Variants in MTOR observed in about 807,000 individuals in gnomAD.
MTOR encodes the protein mechanistic target of rapamycin kinase.
MTOR carries 70 observed loss-of-function variants against 319.8 expected under a neutral mutation model. The ratio of observed to expected loss-of-function variants is 0.22; its 90% CI spans 0.18 to 0.27. The LOEUF (loss-of-function observed/expected upper bound fraction) is 0.27. MTOR is among the 10% of genes least tolerant of loss of function. The pLI is 1.00. For missense variants in MTOR, 1,890 were observed against 3,274.4 expected (o/e 0.58, Z 10.32); for synonymous variants, 1,183 against 1,211.4 (o/e 0.98, Z 0.49).
intron 52 of MTOR, 133 bp from the exon 53 acceptor site, chr1:11,114,586 G>A (rs1027583742): frequency 6.0e-6 from 8 of 1,334,532 alleles, no homozygotes; most frequent in Non-Finnish European, 7.2e-6. Context: ...AATGTCTTAG[G>A]AGAAGGAATC....
chr1:11,192,788 A>C (rs1246801573), intron 28 of MTOR, among the ~76,000 whole-genome samples: 1 of 151,674 alleles, frequency 6.6e-6, no homozygotes, highest in African/African-American at 2.4e-5. Flanking sequence ...AAACACAAGC[A>C]AACACACCAA....
intron 19 of MTOR, 43 bp from the exon 20 acceptor site, chr1:11,216,277 A>G (rs1478913254): frequency 6.7e-7 from 1 of 1,488,344 alleles, no homozygotes; most frequent in East Asian, 2.3e-5. Flanking sequence ...CATGAAGGAC[A>G]TTGAACCCCC....
At chr1:11,237,795 G>A (rs887495610) in intron 13 of MTOR, 48 bp downstream of exon 13, 12 of 1,599,950 alleles carry the variant, frequency 7.5e-6, no homozygotes, top group Admixed American at 6.7e-5. Flanking sequence ...TTCTCACAGC[G>A]AGAGTCCTGT....
chr1:11,109,825 G>T lies in MTOR; in HGVS notation c.7367-96C>A. 9.7e-7 allele frequency: 1 copy of T among 1,035,258 alleles called. No individual in the cohort carries two copies. Among genetic ancestry groups the T allele is most frequent in the South Asian group, 1.3e-5 (1 of 77,944 alleles). The allele number at this position is 1,035,258 out of a possible 1,614,324, so 64.1% of individuals were successfully genotyped here. A position where few individuals can be genotyped will look rare whatever the true frequency, so the allele number is the denominator to read the frequency against. On this transcript the variant is annotated intron_variant, in intron 54 of 57. Coordinates refer to ENST00000361445, the MANE Select transcript of MTOR (RefSeq NM_004958.4). The surrounding 1 kb of genome is among the most constrained non-coding windows in gnomAD (Gnocchi z 4.0). The stretch of plus-strand genomic sequence containing the variant: ...TCTCTACGCACTCTATTCCTTTAAC[G>T]CCTGCCCTACCTACCCTAAAGGGGA...
intron 29 of MTOR, among the ~76,000 whole-genome samples, chr1:11,158,032 G>A (rs944914760): frequency 7.9e-5 from 12 of 152,068 alleles, no homozygotes; most frequent in Non-Finnish European, 1.5e-4. Context: ...GCTGAAAGAG[G>A]GTGTTGTCCA....
intron 4 of MTOR, among the ~76,000 whole-genome samples, chr1:11,256,715 AG>A (rs1480933076): frequency 2.0e-5 from 3 of 152,078 alleles, no homozygotes; most frequent in Non-Finnish European, 4.4e-5. Flanking sequence ...CCTCCTCCGA[AG>A]GGCAGCAGAC....
intron 6 of MTOR, among the ~76,000 whole-genome samples, chr1:11,251,516 A>C (rs1649665175): frequency 6.6e-6 from 1 of 152,200 alleles, no homozygotes; most frequent in Admixed American, 6.5e-5. Flanking sequence ...CCTTATAAGA[A>C]TGGAATCTAT....
chr1:11,187,900 A>G (rs868405592), intron 28 of MTOR, among the ~76,000 whole-genome samples: 1 of 151,842 alleles, frequency 6.6e-6, no homozygotes, highest in African/African-American at 2.4e-5. Flanking sequence ...TAACATCCTC[A>G]CCCTTTAGCA....
intron 24 of MTOR, 31 bp from the exon 25 acceptor site, chr1:11,209,489 T>C (rs950448411): frequency 6.2e-7 from 1 of 1,613,204 alleles, no homozygotes; most frequent in African/African-American, 1.3e-5. Context: ...GAAACACCTA[T>C]AACTCTACTA....
intron 29 of MTOR, among the ~76,000 whole-genome samples, chr1:11,161,312 A>G (rs1389115551): frequency 2.0e-5 from 3 of 152,188 alleles, no homozygotes; most frequent in Non-Finnish European, 2.9e-5. Context: ...GGAGCCCACC[A>G]CAGCTCAAGG....
chr1:11,138,757 G>GA (rs1389179805), intron 36 of MTOR, among the ~76,000 whole-genome samples: 5 of 152,070 alleles, frequency 3.3e-5, no homozygotes, highest in Admixed American at 6.6e-5. Flanking sequence ...ATTGTTTAAA[G>GA]AAAAAAACCC....
At chr1:11,201,001 C>T (rs1406069648) in intron 26 of MTOR, among the ~76,000 whole-genome samples, 2 of 147,292 alleles carry the variant, frequency 1.4e-5, no homozygotes, top group South Asian at 2.1e-4. Flanking sequence ...GGCAACAGAG[C>T]GAGACTCTGT....
In MTOR at chr1:11,207,409, C is replaced by CT. The variant is rs386366225; in HGVS notation, c.3801+1902dup. Reference sequence around the variant, plus strand: ...AGCCACTGCACCTGGCCCCCTACCTCTTTTTTTTTTTTTTTTTTGAAGAGA... The same window carrying CT: ...AGCCACTGCACCTGGCCCCCTACCTCTTTTTTTTTTTTTTTTTTTGAAGAGA... On this transcript the variant is annotated intron_variant, in intron 25 of 57. Coordinates refer to ENST00000361445, the MANE Select transcript of MTOR (RefSeq NM_004958.4). 5.8e-3 allele frequency among the ~76,000 whole-genome samples: 657 copies of CT among 114,142 alleles called. 28 individuals carry two copies. Among genetic ancestry groups the CT allele is most frequent in the African/African-American group, 0.017 (537 of 31,136 alleles). The allele number at this position is 114,142 out of a possible 152,430, so 74.9% of individuals were successfully genotyped here. A position where few individuals can be genotyped will look rare whatever the true frequency, so the allele number is the denominator to read the frequency against.
chr1:11,196,893 A>G (rs1645805711), intron 28 of MTOR, among the ~76,000 whole-genome samples: 1 of 152,128 alleles, frequency 6.6e-6, no homozygotes, highest in Non-Finnish European at 1.5e-5. Context: ...TAGCTGAACA[A>G]AGATGTTTTT....
chr1:11,158,562 G>A (rs140082929), intron 29 of MTOR, among the ~76,000 whole-genome samples: 4 of 152,100 alleles, frequency 2.6e-5, no homozygotes, highest in East Asian at 1.9e-4. Flanking sequence ...CTGGCTCCAC[G>A]TAAGGCAAAC....
At position 11,126,752 on chromosome 1, in the gene MTOR, C is replaced by A; in HGVS notation, c.6396G>T (p.Met2132Ile). ...ELQYVSPKLL[M>I]CRDLELAVPG... ...GCACAGCCAATTCAAGGTCCCGGCA[C>A]ATCAGAAGTTTTGGGGAAACATATT... Residue 2132 changes from methionine (M) to isoleucine (I), a missense_variant, in exon 46 of 58, where the codon ATG becomes ATT. This residue lies in a region of MTOR where 249 missense variants were observed against 596.2 expected (regional missense o/e 0.42). Transcript: ENST00000361445. 6.2e-7 allele frequency: 1 copy of A among 1,614,086 alleles called. No individual in the cohort carries two copies. Among genetic ancestry groups the A allele is most frequent in the Non-Finnish European group, 8.5e-7 (1 of 1,180,026 alleles).
intron 34 of MTOR, among the ~76,000 whole-genome samples, chr1:11,139,867 T>G (rs1244194977): frequency 6.6e-6 from 1 of 152,176 alleles, no homozygotes; most frequent in Non-Finnish European, 1.5e-5. Context: ...AAGTTTTGTA[T>G]TTTTAGTAGA....
At position 11,257,008 on chromosome 1, in the gene MTOR, C is replaced by G. The variant is rs55935202; in HGVS notation, c.429G>C (p.Glu143Asp). 6.2e-7 allele frequency: 1 copy of G among 1,614,148 alleles called. No individual in the cohort carries two copies. The highest frequency in any genetic ancestry group is 2.2e-5 in the East Asian group (1 of 44,882). ...CTCGCTTCACCTCAAATTCCACGTA[C>G]TCAGCGGTAAAAGTGTCCCCTGCCA... ...LAMAGDTFTA[E>D]YVEFEVKRAL... The change falls in exon 4 of 58, where the codon GAG becomes GAC. Residue 143 changes from glutamate to aspartate, a missense_variant. Physicochemically the swap from Glu to Asp is conservative, Grantham distance 45 (BLOSUM62 2). Around this residue, in one of 15 missense-constraint regions of MTOR, gnomAD observed 81 missense variants for 203.6 expected, o/e 0.40. Transcript: ENST00000361445.
chr1:11,202,886 C>A (rs1236755535), intron 26 of MTOR, among the ~76,000 whole-genome samples: 1 of 150,016 alleles, frequency 6.7e-6, no homozygotes, highest in Non-Finnish European at 1.5e-5. Flanking sequence ...CCAGCCCGGG[C>A]AGCAGAGACC....
Sources: gnomAD v4.1 joint callset for allele counts (sites outside exome capture counted in the v4.1 genomes callset) on GRCh38, gnomAD v4.1.1 for gene constraint, gnomAD v4.1.1 regional missense constraint, Gnocchi (gnomAD v3.1) non-coding constraint, MANE v1.5 for transcripts, NCBI Gene and HGNC (gene_info 2026-07-23, HGNC 2026-07-21) for gene names.